PIK3CB: variants seen among roughly 807,000 people sequenced by gnomAD.
PIK3CB encodes phosphatidylinositol 4,5-bisphosphate 3-kinase catalytic subunit beta isoform.
A neutral mutation model predicts 136.8 loss-of-function variants in PIK3CB; 39 were observed. The ratio of observed to expected loss-of-function variants is 0.29; its 90% CI spans 0.22 to 0.37. PIK3CB has a LOEUF of 0.37. Among genes scored for constraint, PIK3CB ranks in the 10% least tolerant of loss-of-function variants. PIK3CB has a pLI of 1.00. For synonymous variants in PIK3CB, 428 were observed against 436.6 expected (o/e 0.98, Z 0.25); for missense variants, 868 against 1,275.4 (o/e 0.68, Z 4.87).
chr3:138,810,254 T>A (rs1431709787), intron 1 of PIK3CB, among the ~76,000 whole-genome samples: 1 of 152,170 alleles, frequency 6.6e-6, no homozygotes, highest in East Asian at 1.9e-4. Context: ...CCAAATACTT[T>A]GTGTAGATAC....
intron 4 of PIK3CB, among the ~76,000 whole-genome samples, chr3:138,743,312 T>A (rs1208630797): frequency 1.3e-5 from 2 of 152,212 alleles, no homozygotes; most frequent in East Asian, 3.8e-4. Flanking sequence ...TCAATTTTGC[T>A]GTGAACCTAA....
chr3:138,753,822 CA>C (rs888579117), intron 4 of PIK3CB, among the ~76,000 whole-genome samples: 2 of 151,998 alleles, frequency 1.3e-5, no homozygotes, highest in African/African-American at 2.4e-5. Flanking sequence ...AAAAAAAAAT[CA>C]AAAAGAACAT....
At chr3:138,704,357 CTG>C (rs2044319285) in intron 12 of PIK3CB, 84 bp downstream of exon 12, 1 of 909,136 alleles carries the variant, frequency 1.1e-6, no homozygotes. Flanking sequence ...TTACGGTCTT[CTG>C]TGAGTTCATT....
chr3:138,816,634 TA>T (rs1559890026), intron 1 of PIK3CB, among the ~76,000 whole-genome samples: 1 of 150,800 alleles, frequency 6.6e-6, no homozygotes, highest in Non-Finnish European at 1.5e-5. Flanking sequence ...AAATATAAAT[TA>T]AAAAATAAAA....
intron 12 of PIK3CB, among the ~76,000 whole-genome samples, chr3:138,700,233 C>T (rs1266842658): frequency 3.3e-5 from 5 of 151,836 alleles, no homozygotes; most frequent in South Asian, 2.1e-4. Flanking sequence ...CCATTCCATC[C>T]GTTTGTTTAT....
At chr3:138,771,508 C>T (rs11709768) in intron 2 of PIK3CB, among the ~76,000 whole-genome samples, 75,601 of 152,018 alleles carry the variant, frequency 0.5, 21,071 homozygotes, top group East Asian at 0.98. Context: ...GTAAGCCACC[C>T]GCGCCCGGCC....
Position 138,825,520 on chromosome 3 carries a change from A to G in PIK3CB, c.-122+9175T>C, listed in dbSNP as rs1368806055. 5 of 673,598 alleles carry G rather than the reference A, an allele frequency of 7.4e-6. No individual in the cohort carries two copies. The East Asian group carries it at 1.2e-4, about 17-fold the overall frequency. The allele number at this position is 673,598 out of a possible 1,614,324, so 41.7% of individuals were successfully genotyped here. A position where few individuals can be genotyped will look rare whatever the true frequency, so the allele number is the denominator to read the frequency against. ...CCCCGACACAGTAGCATTTGTGCCA[A>G]CTTCTGGTGGGAACAGTGACAACAT... On this transcript the variant is annotated intron_variant, in intron 1 of 23. Transcript: ENST00000674063.
At chr3:138,729,074 A>G (rs1389545626) in intron 8 of PIK3CB, among the ~76,000 whole-genome samples, 2 of 152,124 alleles carry the variant, frequency 1.3e-5, no homozygotes, top group African/African-American at 4.8e-5. Flanking sequence ...TGAGGTCAGG[A>G]GTTTGAGACC....
intron 8 of PIK3CB, among the ~76,000 whole-genome samples, chr3:138,724,143 T>C (rs1405278453): frequency 1.3e-5 from 2 of 152,144 alleles, no homozygotes; most frequent in South Asian, 2.1e-4. Flanking sequence ...CAGGTGACAA[T>C]TGCAAATCTC....
At chr3:138,781,517 A>G (rs543529458) in intron 2 of PIK3CB, among the ~76,000 whole-genome samples, 5 of 151,692 alleles carry the variant, frequency 3.3e-5, no homozygotes, top group Non-Finnish European at 5.9e-5. Context: ...CAGTGGTGCA[A>G]TCTTGGCTCA....
chr3:138,781,044 C>T (rs549843477), intron 2 of PIK3CB, among the ~76,000 whole-genome samples: 9 of 152,282 alleles, frequency 5.9e-5, no homozygotes, highest in East Asian at 1.9e-4. Flanking sequence ...AATCCCAGCA[C>T]TCTGGGAGGC....
chr3:138,823,481 G>A (rs1448025473), intron 1 of PIK3CB, among the ~76,000 whole-genome samples: 1 of 151,524 alleles, frequency 6.6e-6, no homozygotes, highest in Non-Finnish European at 1.5e-5. Flanking sequence ...GAGGTGGGCA[G>A]ATCACGAGGT....
intron 13 of PIK3CB, among the ~76,000 whole-genome samples, chr3:138,695,965 T>A (rs1346882742): frequency 7.2e-6 from 1 of 139,638 alleles, no homozygotes; most frequent in Non-Finnish European, 1.5e-5. Context: ...GAGATGGGGT[T>A]TCACCATGTT....
intron 1 of PIK3CB, among the ~76,000 whole-genome samples, chr3:138,827,334 C>T (rs1354195076): frequency 6.6e-6 from 1 of 151,968 alleles, no homozygotes; most frequent in African/African-American, 2.4e-5. Context: ...GGTAGAGCAC[C>T]TTAACGAAGA....
chr3:138,694,868 G>T lies in PIK3CB; in HGVS notation c.1810C>A (p.Arg604=), dbSNP rs753827615. ...LLQIWPKLPP[R]EALELLDFNY... is the part of the protein sequence containing the mutation. Reference sequence around the variant, plus strand: ...AAATCCAGAAGCTCTAGGGCCTCCCGGGGGGGCAGTTTAGGCCAAATCTGA... The same window carrying T: ...AAATCCAGAAGCTCTAGGGCCTCCCTGGGGGGCAGTTTAGGCCAAATCTGA... Residue 604 remains arginine (R), a synonymous_variant, in exon 14 of 24, where the codon CGG becomes AGG. Coordinates refer to ENST00000674063, the MANE Select transcript of PIK3CB (RefSeq NM_006219.3). 1.9e-6 allele frequency: 3 copies of T among 1,606,220 alleles called. No individual in the cohort carries two copies. The South Asian group carries it at 3.3e-5, about 18-fold the overall frequency.
rs952432900 is a variant in PIK3CB, at chr3:138,694,607, GT to G, written c.1892+178del. Reference sequence around the variant, plus strand: ...GACCTTCTGACCTAGCATGCTTTTGGTTTTTTTTTTCTAGTATAAACATTGA... The same window carrying G: ...GACCTTCTGACCTAGCATGCTTTTGGTTTTTTTTTCTAGTATAAACATTGA... On this transcript the variant is annotated intron_variant, in intron 14 of 23. Transcript: ENST00000674063. Among the ~76,000 whole-genome samples, 16 of 149,368 alleles carry G rather than the reference GT, an allele frequency of 1.1e-4. 1 individual carries two copies. In the South Asian group the frequency reaches 1.5e-3, roughly 14 times the overall value.
At chr3:138,742,425 T>C (rs1471628060) in intron 5 of PIK3CB, 133 bp downstream of exon 5, 8 of 584,228 alleles carry the variant, frequency 1.4e-5, no homozygotes, top group Non-Finnish European at 1.8e-5. Flanking sequence ...AATACATTTC[T>C]ATCTGAAATA....
At chr3:138,687,647 G>A (rs968972414) in intron 16 of PIK3CB, among the ~76,000 whole-genome samples, 2 of 152,052 alleles carry the variant, frequency 1.3e-5, no homozygotes, top group Non-Finnish European at 2.9e-5. Flanking sequence ...CTAGAGATGG[G>A]TCTCACTATG....
At chr3:138,671,797 T>C (rs960315937) in intron 19 of PIK3CB, among the ~76,000 whole-genome samples, 4 of 152,274 alleles carry the variant, frequency 2.6e-5, no homozygotes, top group Non-Finnish European at 5.9e-5. Context: ...CGACAGCCTT[T>C]ATTCCTGACG....
Sources: allele counts gnomAD v4.1 joint callset (sites outside exome capture counted in the v4.1 genomes callset), GRCh38; gene constraint gnomAD v4.1.1; transcripts MANE v1.5; gene names NCBI Gene and HGNC (gene_info 2026-07-23, HGNC 2026-07-21).